OXR1: variants seen among roughly 807,000 people sequenced by gnomAD.
The protein encoded by OXR1 is oxidation resistance 1.
OXR1 carries 41 observed loss-of-function variants against 104.6 expected under a neutral mutation model. The ratio of observed to expected loss-of-function variants is 0.39; its 90% CI spans 0.31 to 0.51. The LOEUF (loss-of-function observed/expected upper bound fraction) is 0.51. Ranked by LOEUF, OXR1 falls within the 20% of genes least tolerant of loss-of-function variation. The pLI is 0.77. For synonymous variants in OXR1, 348 were observed against 348.4 expected (o/e 1.00, Z 0.01); for missense variants, 955 against 1,031.9 (o/e 0.93, Z 1.02).
intron 1 of OXR1, among the ~76,000 whole-genome samples, chr8:106,340,235 A>G (rs979281058): frequency 6.8e-6 from 1 of 146,802 alleles, no homozygotes; most frequent in African/African-American, 2.6e-5. Flanking sequence ...AAAAAAAAAA[A>G]CCTTCTGACT....
chr8:106,569,903 G>A (rs973646410), intron 3 of OXR1, among the ~76,000 whole-genome samples: 1 of 152,196 alleles, frequency 6.6e-6, no homozygotes, highest in Non-Finnish European at 1.5e-5. Context: ...CTGTGTGGGA[G>A]CTGTTTTCCT....
intron 2 of OXR1, among the ~76,000 whole-genome samples, chr8:106,441,857 T>C (rs116768958): frequency 0.13 from 20,152 of 152,190 alleles, 1,590 homozygotes; most frequent in South Asian, 0.32. Flanking sequence ...ACATGTCGTC[T>C]GCAAACAGTA....
chr8:106,600,665 A>G (rs865804587), intron 3 of OXR1, among the ~76,000 whole-genome samples: 1 of 152,182 alleles, frequency 6.6e-6, no homozygotes, highest in Non-Finnish European at 1.5e-5. Flanking sequence ...GAGGATTATA[A>G]TGCTTTGTTT....
At chr8:106,497,808 A>ACG (rs1563562419) in intron 2 of OXR1, among the ~76,000 whole-genome samples, 9 of 128,638 alleles carry the variant, frequency 7.0e-5, no homozygotes, top group African/African-American at 3.0e-4. Flanking sequence ...GTGTGTGTGC[A>ACG]CACGCGTGTG....
chr8:106,384,290 G>A (rs1817276911), intron 2 of OXR1, among the ~76,000 whole-genome samples: 1 of 152,122 alleles, frequency 6.6e-6, no homozygotes, highest in Non-Finnish European at 1.5e-5. Context: ...CAGTGAAATA[G>A]GCGTGCTTAT....
In OXR1 at chr8:106,444,147, A is replaced by G. The variant is rs371229981; in HGVS notation, c.24-74796A>G. On this transcript the variant is annotated intron_variant, in intron 2 of 16. Coordinates refer to ENST00000517566, the MANE Select transcript of OXR1 (RefSeq NM_001198533.2). ...CAAATCAAAACCACGATGAGATACC[A>G]TCTCATGCCAGTCAGAATTGATTAT... 4.6e-5 allele frequency among the ~76,000 whole-genome samples: 7 copies of G among 152,344 alleles called. No individual in the cohort carries two copies. In the East Asian group the frequency reaches 7.7e-4, roughly 17 times the overall value.
intron 3 of OXR1, among the ~76,000 whole-genome samples, chr8:106,668,918 G>A (rs574120194): frequency 6.6e-6 from 1 of 152,204 alleles, no homozygotes; most frequent in East Asian, 1.9e-4. Context: ...AAATCTGTAG[G>A]TCCGGACTGA....
intron 3 of OXR1, among the ~76,000 whole-genome samples, chr8:106,527,331 T>G (rs1813759589): frequency 6.6e-6 from 1 of 152,198 alleles, no homozygotes; most frequent in South Asian, 2.1e-4. Flanking sequence ...ACAAGCCTCT[T>G]GTCTTGACCT....
intron 3 of OXR1, among the ~76,000 whole-genome samples, chr8:106,533,046 G>T (rs1365205518): frequency 6.6e-6 from 1 of 152,122 alleles, no homozygotes; most frequent in Non-Finnish European, 1.5e-5. Context: ...ATCCTATCCA[G>T]GGTACTACAT....
intron 2 of OXR1, among the ~76,000 whole-genome samples, chr8:106,476,582 T>G (rs1821821772): frequency 6.6e-6 from 1 of 151,916 alleles, no homozygotes; most frequent in African/African-American, 2.4e-5. Context: ...AAATGTCCTT[T>G]GTGGCATTTT....
chr8:106,509,234 T>C (rs576343470), intron 2 of OXR1, among the ~76,000 whole-genome samples: 1 of 152,316 alleles, frequency 6.6e-6, no homozygotes, highest in Admixed American at 6.5e-5. Context: ...CAAGCCCTAA[T>C]CTTTGGATTT....
intron 1 of OXR1, among the ~76,000 whole-genome samples, chr8:106,274,944 T>C (rs1001503089): frequency 6.6e-6 from 1 of 152,248 alleles, no homozygotes; most frequent in Non-Finnish European, 1.5e-5. Flanking sequence ...GATAATCATA[T>C]TTGTAAATTC....
chr8:106,337,098 C>T (rs1294458253), intron 1 of OXR1, among the ~76,000 whole-genome samples: 2 of 151,984 alleles, frequency 1.3e-5, no homozygotes, highest in Non-Finnish European at 2.9e-5. Context: ...TTGTAATTAG[C>T]GTAGAATTAC....
chr8:106,412,484 C>G (rs571101214), intron 2 of OXR1, among the ~76,000 whole-genome samples: 1 of 152,232 alleles, frequency 6.6e-6, no homozygotes, highest in African/African-American at 2.4e-5. Flanking sequence ...GCATTAGAAA[C>G]AAACAGACCT....
chr8:106,470,835 G>A (rs1428502603), intron 2 of OXR1, among the ~76,000 whole-genome samples: 1 of 151,658 alleles, frequency 6.6e-6, no homozygotes, highest in African/African-American at 2.4e-5. Context: ...TGAAGGAAGG[G>A]TATGAAGGAA....
chr8:106,395,940 C>T (rs1435583516), intron 2 of OXR1, among the ~76,000 whole-genome samples: 2 of 152,058 alleles, frequency 1.3e-5, no homozygotes, highest in African/African-American at 2.4e-5. Context: ...GGGCATGTCA[C>T]AGGGGCACAG....
intron 3 of OXR1, among the ~76,000 whole-genome samples, chr8:106,530,358 T>C (rs558253691): frequency 6.6e-6 from 1 of 152,316 alleles, no homozygotes; most frequent in African/African-American, 2.4e-5. Flanking sequence ...AGAGCAGTGG[T>C]ACGATCATAG....
chr8:106,435,443 G>A (rs1294696350), intron 2 of OXR1, among the ~76,000 whole-genome samples: 1 of 152,130 alleles, frequency 6.6e-6, no homozygotes, highest in African/African-American at 2.4e-5. Context: ...CCTCAATTGT[G>A]AGGATCTGCG....
At chr8:106,736,680 A>T (rs1351466180) in intron 11 of OXR1, among the ~76,000 whole-genome samples, 2 of 152,202 alleles carry the variant, frequency 1.3e-5, no homozygotes, top group Non-Finnish European at 1.5e-5. Flanking sequence ...GCTTTCTGTA[A>T]TAGTGTTTAT....
Sources: gnomAD v4.1 joint callset for allele counts (sites outside exome capture counted in the v4.1 genomes callset) on GRCh38, gnomAD v4.1.1 for gene constraint, MANE v1.5 for transcripts, NCBI Gene and HGNC (gene_info 2026-07-23, HGNC 2026-07-21) for gene names.